Variants in FGF13 observed in about 807,000 individuals in gnomAD.
FGF13 encodes the protein fibroblast growth factor homologous factor 2.
A neutral mutation model predicts 19.5 loss-of-function variants in FGF13; 2 were observed. The observed-to-expected ratio is 0.10, with a 90% CI of 0.04 to 0.32. The LOEUF (loss-of-function observed/expected upper bound fraction) is 0.32. Ranked by LOEUF, FGF13 falls within the 10% of genes least tolerant of loss-of-function variation. The pLI, the probability that FGF13 is intolerant of heterozygous loss-of-function variation, is 1.00. For missense variants in FGF13, 113 were observed against 192.7 expected (o/e 0.59, Z 2.45); for synonymous variants, 72 against 76.9 (o/e 0.94, Z 0.33).
intron 1 of FGF13, among the ~76,000 whole-genome samples, chrX:138,873,376 AG>A (rs1391917272): frequency 8.9e-6 from 1 of 112,154 alleles, no homozygotes; most frequent in African/African-American, 3.2e-5. Context: ...GGAAATCACT[AG>A]TTATTGACTG....
chrX:139,066,673 T>G (rs975846068), intron 1 of FGF13, among the ~76,000 whole-genome samples: 3 of 111,307 alleles, frequency 2.7e-5, no homozygotes, highest in African/African-American at 9.8e-5. Flanking sequence ...CCAGATGGAT[T>G]CACAGCCGAA....
upstream of FGF13, among the ~76,000 whole-genome samples, chrX:138,740,828 G>C (rs2090313656): frequency 8.9e-6 from 1 of 112,300 alleles, no homozygotes; most frequent in Non-Finnish European, 1.9e-5. Flanking sequence ...ACAATTTTTT[G>C]AACAAGGATC....
chrX:139,103,193 C>A (rs192850772), intron 1 of FGF13, among the ~76,000 whole-genome samples: 1 of 112,171 alleles, frequency 8.9e-6, no homozygotes, highest in East Asian at 2.8e-4. Context: ...GCTGTACTTT[C>A]AGAAAATTAA....
intron 1 of FGF13, among the ~76,000 whole-genome samples, chrX:139,122,043 A>G (rs2083680838): frequency 9.0e-6 from 1 of 111,399 alleles, no homozygotes; most frequent in Non-Finnish European, 1.9e-5. Flanking sequence ...GACACAGACC[A>G]TGAGATTCTG....
At chrX:138,863,987 C>T (rs2091303233) in intron 2 of FGF13, among the ~76,000 whole-genome samples, 1 of 111,910 alleles carries the variant, frequency 8.9e-6, no homozygotes, top group African/African-American at 3.2e-5. Flanking sequence ...CTGTTTTGTC[C>T]ATTGTAGGAT....
intron 3 of FGF13, among the ~76,000 whole-genome samples, chrX:138,798,734 A>C (rs1056087165): frequency 9.0e-6 from 1 of 111,707 alleles, no homozygotes; most frequent in Admixed American, 9.5e-5. Context: ...TTACTTCCTC[A>C]ATTTCAGAAC....
chrX:138,869,389 T>C (rs994309423), intron 1 of FGF13, among the ~76,000 whole-genome samples: 1 of 112,652 alleles, frequency 8.9e-6, no homozygotes, highest in African/African-American at 3.2e-5. Context: ...GCTGTGCCAC[T>C]GATGAGAGTA....
At chrX:139,108,059 T>C (rs1010694355) in intron 1 of FGF13, among the ~76,000 whole-genome samples, 15 of 111,363 alleles carry the variant, frequency 1.3e-4, no homozygotes, top group African/African-American at 4.6e-4. Context: ...CTCTAAAAAG[T>C]ACCACTCAGA....
At chrX:139,156,255 T>G (rs1206477433) in intron 1 of FGF13, among the ~76,000 whole-genome samples, 1 of 111,836 alleles carries the variant, frequency 8.9e-6, no homozygotes, top group Non-Finnish European at 1.9e-5. Flanking sequence ...AAATGTCACA[T>G]GCAGACAACT....
At chrX:139,198,378 G>C (rs1168080246) in intron 1 of FGF13, among the ~76,000 whole-genome samples, 1 of 111,251 alleles carries the variant, frequency 9.0e-6, no homozygotes, top group Admixed American at 9.5e-5. Flanking sequence ...TGATTGTCCA[G>C]ACCAAATCTG....
intron 4 of FGF13, among the ~76,000 whole-genome samples, chrX:138,633,978 G>A (rs142477044): frequency 2.7e-4 from 30 of 111,273 alleles, no homozygotes; most frequent in African/African-American, 9.8e-4. Context: ...GTCTTCCTCT[G>A]CTTTGCCCGC....
chrX:139,050,505 AAATG>A (rs2092300739), intron 1 of FGF13, among the ~76,000 whole-genome samples: 3 of 111,728 alleles, frequency 2.7e-5, no homozygotes, highest in Admixed American at 9.5e-5. Flanking sequence ...TAAAAAGCAA[AAATG>A]AATGAATGAA....
chrX:138,774,151 C>A (rs2090569187), intron 3 of FGF13, among the ~76,000 whole-genome samples: 1 of 111,497 alleles, frequency 9.0e-6, no homozygotes, highest in Non-Finnish European at 1.9e-5. Flanking sequence ...TTCACAGGAA[C>A]TGGGAAAAAT....
chrX:138,789,707 G>C (rs1429667254), intron 3 of FGF13, among the ~76,000 whole-genome samples: 1 of 109,770 alleles, frequency 9.1e-6, no homozygotes, highest in African/African-American at 3.3e-5. Context: ...TTCTGTCTTA[G>C]TTCAGGCTGC....
chrX:139,125,238 G>A (rs746567121), intron 1 of FGF13, among the ~76,000 whole-genome samples: 53 of 110,476 alleles, frequency 4.8e-4, no homozygotes, highest in Non-Finnish European at 8.5e-4. Flanking sequence ...TTTCCTTATG[G>A]GAATATTCAT....
chrX:139,191,380 A>G (rs2084328055), intron 1 of FGF13, among the ~76,000 whole-genome samples: 1 of 111,774 alleles, frequency 8.9e-6, no homozygotes, highest in Non-Finnish European at 1.9e-5. Flanking sequence ...CTTTAAAGAC[A>G]TGCTCTTTGT....
chrX:139,017,082 G>GTA (rs10626987), intron 1 of FGF13, among the ~76,000 whole-genome samples: 30,578 of 100,685 alleles, frequency 0.3, 3,660 homozygotes, highest in South Asian at 0.46. Context: ...ATACATGTGT[G>GTA]TATATATATA....
intron 1 of FGF13, among the ~76,000 whole-genome samples, chrX:139,045,150 C>A (rs906977599): frequency 8.0e-5 from 9 of 112,435 alleles, no homozygotes; most frequent in Admixed American, 5.6e-4. Context: ...CACATGAAAA[C>A]CACCTTGGCT....
intron 1 of FGF13, among the ~76,000 whole-genome samples, chrX:139,193,100 C>A (rs2084345066): frequency 9.1e-6 from 1 of 110,139 alleles, no homozygotes; most frequent in African/African-American, 3.3e-5. Context: ...GTATGACTGT[C>A]CAATGCATGT....
Sources: allele counts gnomAD v4.1 joint callset (sites outside exome capture counted in the v4.1 genomes callset), GRCh38; gene constraint gnomAD v4.1.1; transcripts MANE v1.5; gene names NCBI Gene and HGNC (gene_info 2026-07-23, HGNC 2026-07-21).